Variants in KYNU observed in about 807,000 individuals in gnomAD.
KYNU encodes L-kynurenine hydrolase.
A neutral mutation model predicts 59.2 loss-of-function variants in KYNU; 54 were observed. The observed-to-expected ratio is 0.91, with a 90% CI of 0.73 to 1.14. KYNU has a LOEUF of 1.14. KYNU is among the 50% of genes most tolerant of loss of function. KYNU has a pLI of 0.00. For missense variants in KYNU, 567 were observed against 554.4 expected, an observed-to-expected ratio of 1.02 and a Z score of -0.23; for synonymous variants, 177 against 192.0, an observed-to-expected ratio of 0.92 and a Z score of 0.65.
chr2:143,035,244 A>G (rs1053304081), intron 12 of KYNU, among the ~76,000 whole-genome samples: 2 of 152,154 alleles, frequency 1.3e-5, no homozygotes, highest in Non-Finnish European at 2.9e-5. Flanking sequence ...TACCCAGTCA[A>G]TATCTAAACT....
chr2:142,967,740 T>C (rs1161242907), intron 8 of KYNU, among the ~76,000 whole-genome samples: 3 of 152,160 alleles, frequency 2.0e-5, no homozygotes, highest in Admixed American at 2.0e-4. Context: ...TGATCAAGCC[T>C]CAAATTTCTA....
At chr2:142,919,429 CA>C (rs1437990762) in intron 3 of KYNU, among the ~76,000 whole-genome samples, 1 of 152,026 alleles carries the variant, frequency 6.6e-6, no homozygotes, top group East Asian at 1.9e-4. Flanking sequence ...TTATGATAAC[CA>C]GAAATATTTT....
In KYNU at chr2:142,954,795, A is replaced by G; in HGVS notation, c.374-15A>G. ...ATAGTACAAACATCTAAATTACGAT[A>G]TGTTTATTTTACAGGAGCCAATGAG... On this transcript the variant is annotated splice_polypyrimidine_tract_variant and intron_variant, in intron 4 of 13. Transcript: ENST00000264170. 1 of 1,547,300 alleles carries G rather than the reference A, an allele frequency of 6.5e-7. No homozygotes were observed.
intron 4 of KYNU, chr2:142,948,172 C>T (rs768055429): frequency 2.0e-5 from 3 of 152,352 alleles, no homozygotes; most frequent in Non-Finnish European, 4.4e-5. Context: ...ACTCCTCTTC[C>T]TGGGACCTAT....
At chr2:142,940,519 A>T (rs1353796428) in intron 4 of KYNU, among the ~76,000 whole-genome samples, 4 of 152,214 alleles carry the variant, frequency 2.6e-5, no homozygotes, top group African/African-American at 4.8e-5. Flanking sequence ...ACATAAATAC[A>T]TGTATGACAC....
rs1286262843 is a variant in KYNU, at chr2:143,054,191, T to G, written c.*12019T>G. 1 of 152,194 alleles carries G rather than the reference T, an allele frequency of 6.6e-6. No homozygotes were observed. The highest frequency in any genetic ancestry group is 1.5e-5 in the Non-Finnish European group (1 of 68,028). 9.4% of individuals were successfully genotyped at this position (152,194 alleles called of 1,614,324 possible). ...ATAAATTTTCTTTTTAAATTTTAGA[T>G]TCTACAATATCTCCAATTCTTCAGT... On this transcript the variant is annotated 3_prime_UTR_variant, in exon 14 of 14. Coordinates refer to ENST00000264170, the MANE Select transcript of KYNU (RefSeq NM_003937.3).
At chr2:142,883,226 C>A (rs1288181836) in intron 1 of KYNU, among the ~76,000 whole-genome samples, 1 of 120,720 alleles carries the variant, frequency 8.3e-6, no homozygotes, top group Non-Finnish European at 1.6e-5. Flanking sequence ...GATGGAGTCT[C>A]GCTGTCGCCC....
At chr2:143,032,711 T>TTTTGTGTGTGTGTGTGTGTGTGTG in intron 11 of KYNU, among the ~76,000 whole-genome samples, 1 of 129,454 alleles carries the variant, frequency 7.7e-6, no homozygotes, top group African/African-American at 2.9e-5. Context: ...GCTCCCTCTA[T>TTTTGTGTGTGTGTGTGTGTGTGTG]TGTGTGTGTG....
Position 143,045,134 on chromosome 2 carries a change from G to A in KYNU, c.*2962G>A, listed in dbSNP as rs1687146606. ...TTTTTGTCAGGTTTATCAAAGATCA[G>A]ATGGTTGTAAATGTGTGGTGTTATT... is the stretch of plus-strand genomic sequence containing the variant. On this transcript the variant is annotated 3_prime_UTR_variant, in exon 14 of 14. Coordinates refer to ENST00000264170, the MANE Select transcript of KYNU (RefSeq NM_003937.3). 6.6e-6 allele frequency: 1 copy of A among 152,142 alleles called. No individual in the cohort carries two copies. The highest frequency in any genetic ancestry group is 2.4e-5 in the African/African-American group (1 of 41,440). The allele number at this position is 152,142 out of a possible 1,614,324, so 9.4% of individuals were successfully genotyped here. A position where few individuals can be genotyped will look rare whatever the true frequency, so the allele number is the denominator to read the frequency against.
chr2:142,883,186 CTTTTTTTTTTTTTT>C (rs70997528), intron 1 of KYNU, among the ~76,000 whole-genome samples: 9 of 72,038 alleles, frequency 1.2e-4, no homozygotes, highest in South Asian at 1.4e-3. Context: ...TCCCAAATTT[CTTTTTTTTTTTTTT>C]TTTTTTTTTT....
At position 142,979,723 on chromosome 2, in the gene KYNU, G is replaced by A. The variant is rs566480925; in HGVS notation, c.730-5361G>A. Among the ~76,000 whole-genome samples, 181 of 152,190 alleles carry A rather than the reference G, an allele frequency of 1.2e-3. 1 individual carries two copies. The highest frequency in any genetic ancestry group is 4.2e-3 in the African/African-American group (174 of 41,550). ...AGCACGCTGGGAGGCCGAGGCATAA[G>A]GATGGCTTGAGCCCAGGAGTTCAAG... On this transcript the variant is annotated intron_variant, in intron 8 of 13. Transcript: ENST00000264170.
At chr2:142,912,764 C>T (rs1682532561) in intron 2 of KYNU, among the ~76,000 whole-genome samples, 1 of 132,348 alleles carries the variant, frequency 7.6e-6, no homozygotes, top group South Asian at 2.4e-4. Flanking sequence ...GGCTGGAGTG[C>T]AGTGGCACGA....
Position 143,044,302 on chromosome 2 carries a change from G to A in KYNU, c.*2130G>A, listed in dbSNP as rs1279700212. 2 of 152,280 alleles carry A rather than the reference G, an allele frequency of 1.3e-5. No individual in the cohort carries two copies. Among genetic ancestry groups the A allele is most frequent in the South Asian group, 4.1e-4 (2 of 4,824 alleles). 9.4% of individuals were successfully genotyped at this position (152,280 alleles called of 1,614,324 possible). Reference sequence around the variant, plus strand: ...ATAGTGCTGCAATGAACATATGTGTGCATGTGTCTTTATAGTAGAATGATT... The same window carrying A: ...ATAGTGCTGCAATGAACATATGTGTACATGTGTCTTTATAGTAGAATGATT... On this transcript the variant is annotated 3_prime_UTR_variant, in exon 14 of 14. Transcript: ENST00000264170.
intron 4 of KYNU, among the ~76,000 whole-genome samples, chr2:142,939,855 T>C (rs1380860072): frequency 6.6e-6 from 1 of 152,186 alleles, no homozygotes; most frequent in African/African-American, 2.4e-5. Flanking sequence ...AGGCTCAGTG[T>C]AGGACTTGAG....
chr2:143,037,384 G>A (rs887251415), intron 12 of KYNU, among the ~76,000 whole-genome samples: 9 of 152,120 alleles, frequency 5.9e-5, no homozygotes, highest in African/African-American at 2.2e-4. Flanking sequence ...TGTAGCGATA[G>A]GTAGACAATA....
intron 2 of KYNU, among the ~76,000 whole-genome samples, chr2:142,907,375 A>T (rs1442008259): frequency 6.6e-6 from 1 of 152,210 alleles, no homozygotes; most frequent in Non-Finnish European, 1.5e-5. Flanking sequence ...GAACCTCGGC[A>T]CTTGGTTGTG....
At chr2:142,985,275 G>C in intron 9 of KYNU, 93 bp downstream of exon 9, 1 of 788,914 alleles carries the variant, frequency 1.3e-6, no homozygotes, top group Non-Finnish European at 2.3e-6. Flanking sequence ...TTAAAGATTT[G>C]AGTTACTTTC....
intron 4 of KYNU, among the ~76,000 whole-genome samples, chr2:142,935,167 A>G (rs352898): frequency 0.026 from 3,953 of 152,262 alleles, 176 homozygotes; most frequent in Admixed American, 0.11. Flanking sequence ...CTGGGAGGTG[A>G]ACCAAAGGTT....
intron 10 of KYNU, among the ~76,000 whole-genome samples, chr2:143,003,582 A>AAAAC (rs568136017): frequency 1.6e-4 from 24 of 152,142 alleles, no homozygotes; most frequent in South Asian, 8.3e-4. Context: ...ACTCTGTCTG[A>AAAAC]AAACAAACAA....
Sources: allele counts gnomAD v4.1 joint callset (sites outside exome capture counted in the v4.1 genomes callset), GRCh38; gene constraint gnomAD v4.1.1; transcripts MANE v1.5; gene names NCBI Gene and HGNC (gene_info 2026-07-23, HGNC 2026-07-21).